The following RARB variants were observed in gnomAD, a reference collection of about 807,000 sequenced individuals.
The protein encoded by RARB is HBV-activated protein.
In RARB, 17 loss-of-function variants were observed where a neutral mutation model predicts 51.9. The observed-to-expected ratio is 0.33, with a 90% confidence interval of 0.22 to 0.49. The LOEUF (loss-of-function observed/expected upper bound fraction) is 0.49, where lower values mean the gene tolerates loss of function less well. Among genes scored for constraint, RARB ranks in the 20% least tolerant of loss-of-function variants. The pLI is 0.99. For synonymous variants in RARB, 215 were observed against 195.4 expected, an observed-to-expected ratio of 1.10 and a Z score of -0.84; for missense variants, 369 against 550.8, an observed-to-expected ratio of 0.67 and a Z score of 3.30.
Position 24,882,473 on chromosome 3 carries a change from T to C in RARB, c.-380+23721T>C, listed in dbSNP as rs186361137. ...GGTGACACACAAATGCTATATCATT[T>C]TATATCAGGAATGGAACTTGATAAT... On this transcript the variant is annotated intron_variant, in intron 2 of 11. Coordinates refer to the RARB transcript ENST00000383772. Among the ~76,000 whole-genome samples the C allele has an allele frequency of 3.3e-3, 509 of 152,324 alleles. 7 individuals carry two copies. The highest frequency in any genetic ancestry group is 3.4e-4 in the Non-Finnish European group (23 of 68,028).
intron 2 of RARB, among the ~76,000 whole-genome samples, chr3:24,985,962 G>T (rs1376852759): frequency 6.6e-6 from 1 of 152,242 alleles, no homozygotes; most frequent in African/African-American, 2.4e-5. Context: ...GCGCTCATCT[G>T]TGTCCATATT....
chr3:24,911,120 C>G (rs1694981776), intron 2 of RARB, among the ~76,000 whole-genome samples: 1 of 152,144 alleles, frequency 6.6e-6, no homozygotes, highest in South Asian at 2.1e-4. Flanking sequence ...ATTATGGGCA[C>G]TAATGATGAA....
intron 2 of RARB, among the ~76,000 whole-genome samples, chr3:24,878,304 C>T (rs1171730082): frequency 6.6e-6 from 1 of 151,532 alleles, no homozygotes; most frequent in Non-Finnish European, 1.5e-5. Context: ...ATATAGCACG[C>T]AATTGGATTT....
At position 25,261,146 on chromosome 3, in the gene RARB, A is replaced by G. The variant is rs566682018; in HGVS notation, c.178+86571A>G. ...ACATGTGTTACTTAAATAAATTGTAATATTTAGCACATAATGAATACTCAA... is the reference window on the plus strand; with the variant it reads ...ACATGTGTTACTTAAATAAATTGTAGTATTTAGCACATAATGAATACTCAA... On this transcript the variant is annotated intron_variant, in intron 5 of 11. Coordinates refer to the RARB transcript ENST00000383772. Among the ~76,000 whole-genome samples the G allele has an allele frequency of 1.1e-4, 16 of 152,220 alleles. 1 individual carries two copies. The South Asian group carries it at 2.3e-3, about 22-fold the overall frequency.
intron 3 of RARB, among the ~76,000 whole-genome samples, chr3:25,074,917 C>G (rs1194848393): frequency 1.3e-5 from 2 of 152,186 alleles, no homozygotes; most frequent in East Asian, 3.9e-4. Context: ...GGAATGTGAA[C>G]TTGATTTTCC....
intron 3 of RARB, among the ~76,000 whole-genome samples, chr3:25,558,314 C>A (rs1409076391): frequency 6.6e-6 from 1 of 152,168 alleles, no homozygotes; most frequent in Admixed American, 6.5e-5. Context: ...CAACTTTCTC[C>A]ATTGCCAAAA....
intron 5 of RARB, among the ~76,000 whole-genome samples, chr3:25,246,584 G>A (rs1374128774): frequency 1.3e-5 from 2 of 152,032 alleles, no homozygotes; most frequent in Admixed American, 6.5e-5. Flanking sequence ...CCCCTTTTCT[G>A]CAGGTCTGCT....
intron 5 of RARB, among the ~76,000 whole-genome samples, chr3:25,420,916 A>T (rs958046305): frequency 6.6e-6 from 1 of 150,386 alleles, no homozygotes; most frequent in Admixed American, 6.7e-5. Context: ...CAAGTCTTCC[A>T]TCTTATGCAA....
rs1051086405 is a variant in RARB at position 25,428,942 on chromosome 3, G to C, written c.157+54G>C. The stretch of plus-strand genomic sequence containing the variant: ...CAAGAAAAAAAAAATTGTCTCTCTT[G>C]CATGCAATAAAGACGTTGGAAATAA... On this transcript the variant is annotated intron_variant, in intron 1 of 7. Coordinates refer to ENST00000330688, the MANE Select transcript of RARB (RefSeq NM_000965.5). 75 of 1,542,846 alleles carry C rather than the reference G, an allele frequency of 4.9e-5. 1 individual carries two copies. Among genetic ancestry groups the C allele is most frequent in the South Asian group, 2.3e-4 (19 of 82,254 alleles).
At chr3:24,913,410 T>C (rs1280516612) in intron 2 of RARB, among the ~76,000 whole-genome samples, 1 of 150,362 alleles carries the variant, frequency 6.7e-6, no homozygotes, top group African/African-American at 2.4e-5. Context: ...CTCTTTTTTT[T>C]TTTTTTTTTT....
intron 5 of RARB, among the ~76,000 whole-genome samples, chr3:25,344,080 T>C (rs1705314507): frequency 6.6e-6 from 1 of 152,188 alleles, no homozygotes; most frequent in Admixed American, 6.5e-5. Flanking sequence ...CCTGGCAATG[T>C]ACTCCAGAAA....
intron 4 of RARB, among the ~76,000 whole-genome samples, chr3:25,162,115 A>G (rs1259456081): frequency 1.3e-5 from 2 of 151,872 alleles, no homozygotes; most frequent in African/African-American, 4.8e-5. Context: ...TTTTAAGTTT[A>G]TTTTTTAGAG....
At chr3:25,419,422 C>T (rs1318856929) in intron 5 of RARB, among the ~76,000 whole-genome samples, 2 of 152,136 alleles carry the variant, frequency 1.3e-5, no homozygotes, top group Non-Finnish European at 2.9e-5. Context: ...ACACTGGATT[C>T]TGCAAAGTTA....
At position 24,843,589 on chromosome 3, in the gene RARB, A is replaced by G. The variant is rs1395939041; in HGVS notation, c.-459+14186A>G. Among the ~76,000 whole-genome samples the G allele has an allele frequency of 3.9e-5, 6 of 152,246 alleles. No homozygotes were observed. The South Asian group carries it at 1.2e-3, about 32-fold the overall frequency. On this transcript the variant is annotated intron_variant, in intron 1 of 11. Coordinates refer to the RARB transcript ENST00000383772. The stretch of plus-strand genomic sequence containing the variant: ...CAATATATATCTCCTGCCAGCCCAC[A>G]CACCATCAAACTAATATATCAGATC...
chr3:25,567,552 T>G (rs1239997900), intron 3 of RARB, among the ~76,000 whole-genome samples: 2 of 152,214 alleles, frequency 1.3e-5, no homozygotes, highest in Non-Finnish European at 2.9e-5. Context: ...CATCGGGTGA[T>G]GAACATTTGG....
intron 1 of RARB, among the ~76,000 whole-genome samples, chr3:25,434,547 T>C (rs1448720426): frequency 2.5e-4 from 20 of 80,998 alleles, no homozygotes; most frequent in Admixed American, 4.8e-4. Flanking sequence ...TTTTTTTTTC[T>C]TTTTTTTTTT....
chr3:25,212,281 A>G (rs763352216), intron 5 of RARB, among the ~76,000 whole-genome samples: 3 of 152,248 alleles, frequency 2.0e-5, no homozygotes, highest in Non-Finnish European at 4.4e-5. Flanking sequence ...TTGAGCATCA[A>G]TAATTTTAAC....
intron 2 of RARB, among the ~76,000 whole-genome samples, chr3:24,978,467 C>T (rs1289698645): frequency 6.6e-6 from 1 of 152,102 alleles, no homozygotes; most frequent in Non-Finnish European, 1.5e-5. Flanking sequence ...TCTACTTCTT[C>T]CTAGTTTAGT....
chr3:25,418,127 C>T (rs530281962), intron 5 of RARB, among the ~76,000 whole-genome samples: 1 of 152,272 alleles, frequency 6.6e-6, no homozygotes, highest in East Asian at 1.9e-4. Context: ...AGAACATGGC[C>T]ACACCTAGCT....
Sources: gnomAD v4.1 joint callset for allele counts (sites outside exome capture counted in the v4.1 genomes callset) on GRCh38, gnomAD v4.1.1 for gene constraint, MANE v1.5 for transcripts, NCBI Gene and HGNC (gene_info 2026-07-23, HGNC 2026-07-21) for gene names.